The following STX8 variants were observed in gnomAD, a reference collection of about 807,000 sequenced individuals.
STX8 encodes syntaxin 8.
Under a neutral mutation model 37.5 loss-of-function variants are expected in STX8, and 23 were observed. That is an observed-to-expected ratio of 0.61 (90% confidence interval 0.44 to 0.87). The LOEUF is 0.87. Ranked by LOEUF, STX8 falls within the 40% of genes least tolerant of loss-of-function variation. The pLI is 0.00. For missense variants in STX8, 313 were observed against 284.7 expected (o/e 1.10, Z -0.71); for synonymous variants, 115 against 99.1 (o/e 1.16, Z -0.95).
In STX8 at chr17:9,250,620, C is replaced by A. The variant is rs578204002; in HGVS notation, c.669G>T (p.Leu223=). The A allele has an allele frequency of 4.0e-5, 64 of 1,600,498 alleles. No homozygotes were observed. Among genetic ancestry groups the A allele is most frequent in the Non-Finnish European group, 4.3e-5 (51 of 1,173,752 alleles). Residue 223 remains leucine, a synonymous_variant, in exon 8 of 8, where the codon CTG becomes CTT. Transcript: ENST00000306357. ...SCGMIMVILL[L]LVAIVVVAVW... is the part of the protein sequence containing the mutation. ...CTGCAACAACCACGATAGCCACAAG[C>A]AGCAGTAAAATCACCATGATCATCC...
chr17:9,289,175 C>T (rs1340390673), intron 7 of STX8, among the ~76,000 whole-genome samples: 1 of 152,140 alleles, frequency 6.6e-6, no homozygotes, highest in East Asian at 1.9e-4. Flanking sequence ...ATTTTATATG[C>T]AGTCAATCAA....
chr17:9,305,428 G>T (rs1442409651), intron 7 of STX8: 1 of 152,118 alleles, frequency 6.6e-6, no homozygotes. Flanking sequence ...AAAAAGACTT[G>T]TGCTTGATGA....
chr17:9,270,429 AT>A (rs1275913244), intron 7 of STX8, among the ~76,000 whole-genome samples: 1 of 148,198 alleles, frequency 6.7e-6, no homozygotes, highest in Non-Finnish European at 1.5e-5. Flanking sequence ...TTTTTTTTGT[AT>A]TTTTTAGTAG....
intron 7 of STX8, among the ~76,000 whole-genome samples, chr17:9,268,990 A>G (rs1056689668): frequency 2.6e-5 from 4 of 152,104 alleles, no homozygotes; most frequent in Admixed American, 6.5e-5. Context: ...GATCGAGACC[A>G]TCCTGGCTAA....
intron 4 of STX8, among the ~76,000 whole-genome samples, chr17:9,513,070 CA>C (rs1194923481): frequency 6.6e-6 from 1 of 152,072 alleles, no homozygotes. Flanking sequence ...GCAAAGGAAA[CA>C]GTCAATAGAG....
chr17:9,285,932 T>C (rs1908056605), intron 7 of STX8, among the ~76,000 whole-genome samples: 1 of 152,210 alleles, frequency 6.6e-6, no homozygotes, highest in Non-Finnish European at 1.5e-5. Context: ...TCTGAAAAAT[T>C]GTAACGAACT....
chr17:9,499,678 G>A (rs1224152363), intron 5 of STX8, among the ~76,000 whole-genome samples: 2 of 152,190 alleles, frequency 1.3e-5, no homozygotes, highest in African/African-American at 4.8e-5. Flanking sequence ...GATTACCGGC[G>A]TGAGCCACCA....
Position 9,536,552 on chromosome 17 carries a change from G to A in STX8, c.323+8620C>T, listed in dbSNP as rs190740361. Among the ~76,000 whole-genome samples the A allele has an allele frequency of 8.8e-3, 1,343 of 152,204 alleles. 26 individuals carry two copies. Among genetic ancestry groups the A allele is most frequent in the African/African-American group, 0.03 (1,251 of 41,516 alleles). On this transcript the variant is annotated intron_variant, in intron 4 of 7. Transcript: ENST00000306357. ...AACAATCGTCAGTCAGAGTGGGTCA[G>A]GACAATAAGCACAACCTGCTTTTCC...
chr17:9,523,389 T>TAA (rs1243791190), intron 4 of STX8, among the ~76,000 whole-genome samples: 1 of 26,516 alleles, frequency 3.8e-5, no homozygotes, highest in East Asian at 1.8e-3. Flanking sequence ...TGTACATATA[T>TAA]ATATACACAC....
At chr17:9,511,909 A>G (rs1227284916) in intron 4 of STX8, among the ~76,000 whole-genome samples, 1 of 152,196 alleles carries the variant, frequency 6.6e-6, no homozygotes, top group African/African-American at 2.4e-5. Flanking sequence ...ATACAAAATC[A>G]ACATACAAAA....
intron 7 of STX8, among the ~76,000 whole-genome samples, chr17:9,372,102 C>G (rs1911421208): frequency 6.6e-6 from 1 of 152,142 alleles, no homozygotes; most frequent in African/African-American, 2.4e-5. Flanking sequence ...GTGAGTCTGC[C>G]TCAAACCAAA....
At chr17:9,336,593 G>A (rs4239103) in intron 7 of STX8, among the ~76,000 whole-genome samples, 149,312 of 152,096 alleles carry the variant, frequency 0.98, 73,342 homozygotes, top group Middle Eastern at 1. Context: ...CCGCCAACAC[G>A]TCCAGCTAAT....
intron 7 of STX8, among the ~76,000 whole-genome samples, chr17:9,254,434 C>T (rs1388122569): frequency 6.6e-6 from 1 of 151,796 alleles, no homozygotes; most frequent in African/African-American, 2.4e-5. Flanking sequence ...TGGAGTCTCG[C>T]GCCCAGGCTA....
At position 9,507,517 on chromosome 17, in the gene STX8, C is replaced by T. The variant is rs1225938793; in HGVS notation, c.324-2355G>A. Among the ~76,000 whole-genome samples the T allele has an allele frequency of 6.6e-6, 1 of 152,210 alleles. No individual in the cohort carries two copies. Among genetic ancestry groups the T allele is most frequent in the African/African-American group, 2.4e-5 (1 of 41,460 alleles). ...GGCTGTCCCCAGCAGGCATTCCCCA[C>T]AGGAGAGCTGAGCAGCAGTGTGCCC... On this transcript the variant is annotated intron_variant, in intron 4 of 7. Transcript: ENST00000306357. This position sits in a 1 kb window ranked among gnomAD's most constrained non-coding sequence, Gnocchi z 4.0.
intron 2 of STX8, 108 bp downstream of exon 2, chr17:9,568,263 A>G: frequency 2.7e-6 from 2 of 739,062 alleles, no homozygotes. Flanking sequence ...GTAAGCAGAT[A>G]GATCATCATA....
At position 9,536,152 on chromosome 17, in the gene STX8, C is replaced by A. The variant is rs146069912; in HGVS notation, c.323+9020G>T. Among the ~76,000 whole-genome samples the A allele has an allele frequency of 5.3e-4, 81 of 152,272 alleles. No individual in the cohort carries two copies. In the East Asian group the frequency reaches 0.01, roughly 19 times the overall value. Reference sequence around the variant, plus strand: ...GGAAGATTTTTCACTGAATCCTGTTCAATGCTTTGCAGATTTCTTAGCCAT... The same window carrying A: ...GGAAGATTTTTCACTGAATCCTGTTAAATGCTTTGCAGATTTCTTAGCCAT... On this transcript the variant is annotated intron_variant, in intron 4 of 7. Coordinates refer to ENST00000306357, the MANE Select transcript of STX8 (RefSeq NM_004853.3).
At chr17:9,278,766 G>A in intron 7 of STX8, among the ~76,000 whole-genome samples, 1 of 152,104 alleles carries the variant, frequency 6.6e-6, no homozygotes, top group East Asian at 1.9e-4. Flanking sequence ...AGATCACGGG[G>A]AGGCGGAGAG....
At chr17:9,385,121 T>C (rs1246499071) in intron 6 of STX8, among the ~76,000 whole-genome samples, 1 of 152,090 alleles carries the variant, frequency 6.6e-6, no homozygotes, top group Non-Finnish European at 1.5e-5. Context: ...GATTGGTCAA[T>C]CTGATTTAGC....
chr17:9,420,399 A>C (rs371778177), intron 6 of STX8, among the ~76,000 whole-genome samples: 1 of 152,164 alleles, frequency 6.6e-6, no homozygotes, highest in Non-Finnish European at 1.5e-5. Context: ...TCCTTCGACC[A>C]GTAACCTTAC....
Sources: allele counts gnomAD v4.1 joint callset (sites outside exome capture counted in the v4.1 genomes callset), GRCh38; gene constraint gnomAD v4.1.1; non-coding constraint Gnocchi (gnomAD v3.1); transcripts MANE v1.5; gene names NCBI Gene and HGNC (gene_info 2026-07-23, HGNC 2026-07-21).